Variants in ABCA5 observed in about 807,000 individuals in gnomAD.
ABCA5 encodes ATP binding cassette subfamily A member 5, also known as cholesterol transporter ABCA5.
Under a neutral mutation model 206.0 loss-of-function variants are expected in ABCA5, and 163 were observed. The ratio of observed to expected loss-of-function variants is 0.79; its 90% CI spans 0.70 to 0.90. The LOEUF (loss-of-function observed/expected upper bound fraction) is 0.90. Ranked by LOEUF, ABCA5 falls within the 40% of genes least tolerant of loss-of-function variation. ABCA5 has a pLI of 0.00. For synonymous variants in ABCA5, 609 were observed against 613.8 expected, an observed-to-expected ratio of 0.99 and a Z score of 0.11; for missense variants, 1,859 against 1,912.9, an observed-to-expected ratio of 0.97 and a Z score of 0.53.
At position 69,255,418 on chromosome 17, in the gene ABCA5, C is replaced by T. The variant is rs1039065478; in HGVS notation, c.4068+125G>A. On this transcript the variant is annotated intron_variant, in intron 31 of 38. Transcript: ENST00000392676. ...CCCAAAAGATCATAATTTGATCAGG[C>T]TGTACAAAAAATTCTAAAAATATAC... The T allele has an allele frequency of 7.7e-5, 43 of 555,940 alleles. No individual in the cohort carries two copies. In the East Asian group the frequency reaches 1.3e-3, roughly 17 times the overall value. The allele number at this position is 555,940 out of a possible 1,614,324, so 34.4% of individuals were successfully genotyped here. A position where few individuals can be genotyped will look rare whatever the true frequency, so the allele number is the denominator to read the frequency against.
chr17:69,259,298 A>G (rs2144908368), intron 28 of ABCA5, among the ~76,000 whole-genome samples: 1 of 152,216 alleles, frequency 6.6e-6, no homozygotes, highest in East Asian at 1.9e-4. Flanking sequence ...TACTAATTAT[A>G]GTGCCCAAAT....
At chr17:69,285,099 T>C (rs1365038403) in intron 17 of ABCA5, among the ~76,000 whole-genome samples, 2 of 152,168 alleles carry the variant, frequency 1.3e-5, no homozygotes, top group African/African-American at 4.8e-5. Flanking sequence ...ATTTGTAAAA[T>C]GAAAGCAATA....
rs1295410531 is a variant in ABCA5 at position 69,289,974 on chromosome 17, A to G, written c.1670T>C (p.Met557Thr). 1.2e-6 allele frequency: 2 copies of G among 1,612,296 alleles called. No homozygotes were observed. Among genetic ancestry groups the G allele is most frequent in the South Asian group, 1.1e-5 (1 of 90,914 alleles). Residue 557 changes from methionine (M) to threonine (T), a missense_variant, in exon 13 of 39, where the codon ATG (methionine) becomes ACG (threonine). Physicochemically the swap from Met to Thr is moderately conservative, Grantham distance 81. Coordinates refer to ENST00000392676, the MANE Select transcript of ABCA5 (RefSeq NM_172232.4). ...ATCTAACTGTGGACAAATGCCAATC[A>G]TTTTTCTTGCTTCAAACATTTCATC... Reference protein sequence around the residue: ...EIDEMFEARKMIGICPQLDIH... With the variant: ...EIDEMFEARKTIGICPQLDIH...
At chr17:69,321,387 T>C (rs1166734767) in intron 1 of ABCA5, among the ~76,000 whole-genome samples, 1 of 152,188 alleles carries the variant, frequency 6.6e-6, no homozygotes, top group African/African-American at 2.4e-5. Flanking sequence ...GGGACATCTA[T>C]GAAGGGTTTG....
chr17:69,283,997 T>C lies in ABCA5; in HGVS notation c.2348A>G (p.Asp783Gly), dbSNP rs1322502959. The change falls in exon 18 of 39, where the codon GAC becomes GGC. Residue 783 changes from aspartate (D) to glycine (G), a missense_variant. Coordinates refer to ENST00000392676, the MANE Select transcript of ABCA5 (RefSeq NM_172232.4). ...TTCAACTTCTAGCTTTAAAAATACG[T>C]CTTCCAAAGTCGTCATGGAAACACC... ...SYGVSMTTLE[D>G]VFLKLEVEAE... 2 of 1,607,810 alleles carry C rather than the reference T, an allele frequency of 1.2e-6. No individual in the cohort carries two copies. Among genetic ancestry groups the C allele is most frequent in the Non-Finnish European group, 1.7e-6 (2 of 1,177,326 alleles).
At chr17:69,270,503 A>C (rs2075260289) in intron 22 of ABCA5, 110 bp downstream of exon 22, 1 of 1,030,824 alleles carries the variant, frequency 9.7e-7, no homozygotes, top group Admixed American at 2.7e-5. Flanking sequence ...GAAGTCTAAG[A>C]GATCTCACAA....
At position 69,246,351 on chromosome 17, in the gene ABCA5, A is replaced by T. The variant is rs2074950614; in HGVS notation, c.*1186T>A. 1 of 151,996 alleles carries T rather than the reference A, an allele frequency of 6.6e-6. No individual in the cohort carries two copies. Among genetic ancestry groups the T allele is most frequent in the African/African-American group, 2.4e-5 (1 of 41,456 alleles). 9.4% of individuals were successfully genotyped at this position (151,996 alleles called of 1,614,324 possible). Reference sequence around the variant, plus strand: ...TAATACTTTCATTTGGTTGAAATGTAATGTCAACTAGCATTATTTACACTA... The same window carrying T: ...TAATACTTTCATTTGGTTGAAATGTTATGTCAACTAGCATTATTTACACTA... On this transcript the variant is annotated 3_prime_UTR_variant, in exon 39 of 39. Transcript: ENST00000392676.
chr17:69,293,530 A>G lies in ABCA5; in HGVS notation c.1495+1125T>C, dbSNP rs547837755. Reference sequence around the variant, plus strand: ...GTTGCTGTAGATGTCATTAACTTTTATAATCATCTGAGTTAAACTTGATTA... The same window carrying G: ...GTTGCTGTAGATGTCATTAACTTTTGTAATCATCTGAGTTAAACTTGATTA... On this transcript the variant is annotated intron_variant, in intron 11 of 38. Transcript: ENST00000392676. 2.2e-3 allele frequency among the ~76,000 whole-genome samples: 335 copies of G among 152,230 alleles called. 3 individuals carry two copies. The highest frequency in any genetic ancestry group is 7.8e-3 in the African/African-American group (324 of 41,540).
rs372351592 is a variant in ABCA5 at position 69,277,665 on chromosome 17, C to T, written c.2570G>A (p.Arg857His). Reference protein sequence around the residue: ...IAKFHFFTLKRESKSVRSVLL... With the variant: ...IAKFHFFTLKHESKSVRSVLL... ...CACTGATCTCACTGATTTACTTTCA[C>T]GTTTCAAGGTAAAGAAATGAAACTT... is the stretch of plus-strand genomic sequence containing the variant. The change falls in exon 19 of 39, where the codon CGT (arginine) becomes CAT (histidine). Residue 857 changes from arginine (R) to histidine (H), a missense_variant. By Grantham distance (29) the Arg-to-His change is conservative. Coordinates refer to ENST00000392676, the MANE Select transcript of ABCA5 (RefSeq NM_172232.4). 61 of 1,610,372 alleles carry T rather than the reference C, an allele frequency of 3.8e-5. No individual in the cohort carries two copies. Among genetic ancestry groups the T allele is most frequent in the African/African-American group, 5.4e-5 (4 of 74,760 alleles).
At chr17:69,316,078 T>C (rs2075813424) in intron 1 of ABCA5, among the ~76,000 whole-genome samples, 1 of 152,110 alleles carries the variant, frequency 6.6e-6, no homozygotes, top group Non-Finnish European at 1.5e-5. Context: ...ATGGAGTGGC[T>C]CAAAATCAGA....
intron 24 of ABCA5, among the ~76,000 whole-genome samples, 179 bp downstream of exon 24, chr17:69,264,556 T>C (rs2075186942): frequency 6.6e-6 from 1 of 152,206 alleles, no homozygotes; most frequent in African/African-American, 2.4e-5. Flanking sequence ...TAAGTTATTG[T>C]TTTTAAAAGT....
intron 19 of ABCA5, among the ~76,000 whole-genome samples, chr17:69,276,078 T>C (rs986682072): frequency 7.2e-6 from 1 of 138,084 alleles, no homozygotes; most frequent in African/African-American, 2.7e-5. Flanking sequence ...GTATTTTAAT[T>C]TTCTTTTTTT....
chr17:69,303,805 T>C lies in ABCA5; in HGVS notation c.930+864A>G, dbSNP rs1963345. Among the ~76,000 whole-genome samples, 9 of 4,700 alleles carry C rather than the reference T, an allele frequency of 1.9e-3. 2 individuals are homozygous for C. The highest frequency in any genetic ancestry group is 0.022 in the Admixed American group (2 of 90). 3.1% of individuals were successfully genotyped at this position (4,700 alleles called of 152,430 possible). On this transcript the variant is annotated intron_variant, in intron 7 of 38. Transcript: ENST00000392676. ...AAAAAAATATATATATATATATATA[T>C]ATACATACATATATATATATGTATA...
At chr17:69,259,911 AAAG>A in intron 27 of ABCA5, 114 bp from the exon 28 acceptor site, 1 of 500,562 alleles carries the variant, frequency 2.0e-6, no homozygotes, top group Non-Finnish European at 3.5e-6. Context: ...GCCATTACCA[AAAG>A]AAGTAATCAC....
Position 69,291,199 on chromosome 17 carries a change from TAAGA to T in ABCA5, c.1606+13_1606+16del. 1 of 1,528,302 alleles carries T rather than the reference TAAGA, an allele frequency of 6.5e-7. No homozygotes were observed. Among genetic ancestry groups the T allele is most frequent in the African/African-American group, 1.4e-5 (1 of 71,934 alleles). The allele number at this position is 1,528,302 out of a possible 1,614,324, so 94.7% of individuals were successfully genotyped here. ...ATATATAATGAAGTTTTTTTTTCTT[TAAGA>T]CAGAAAACTCACCATCAGAAGGTGG... On this transcript the variant is annotated intron_variant, in intron 12 of 38. Transcript: ENST00000392676.
chr17:69,271,363 C>A, intron 20 of ABCA5, 74 bp from the exon 21 acceptor site: 1 of 1,408,432 alleles, frequency 7.1e-7, no homozygotes, highest in Non-Finnish European at 9.6e-7. Context: ...GAAGATAATT[C>A]TATTTTTAGA....
intron 28 of ABCA5, 70 bp from the exon 29 acceptor site, chr17:69,256,353 C>G: frequency 9.6e-7 from 1 of 1,042,878 alleles, no homozygotes; most frequent in Non-Finnish European, 1.3e-6. Flanking sequence ...AATTCAGATA[C>G]TAGGTAGAGA....
rs367738560 is a variant in ABCA5 at position 69,285,884 on chromosome 17, A to T, written c.2272+14T>A. ...TCCCAGTTCAAACACCAAGAGACTTAAAGTAAGTAATACCTGAAAATTTGT... is the reference window on the plus strand; with the variant it reads ...TCCCAGTTCAAACACCAAGAGACTTTAAGTAAGTAATACCTGAAAATTTGT... On this transcript the variant is annotated intron_variant, in intron 17 of 38. Coordinates refer to ENST00000392676, the MANE Select transcript of ABCA5 (RefSeq NM_172232.4). 8.0e-5 allele frequency: 129 copies of T among 1,606,294 alleles called. No homozygotes were observed. Among genetic ancestry groups the T allele is most frequent in the Non-Finnish European group, 1.0e-4 (123 of 1,176,942 alleles).
rs1306938179 is a variant in ABCA5, at chr17:69,302,890, A to T, written c.947T>A (p.Met316Lys). The T allele has an allele frequency of 1.4e-5, 21 of 1,527,292 alleles. No homozygotes were observed. Among genetic ancestry groups the T allele is most frequent in the Non-Finnish European group, 1.8e-5 (21 of 1,138,212 alleles). The allele number at this position is 1,527,292 out of a possible 1,614,324, so 94.6% of individuals were successfully genotyped here. A position where few individuals can be genotyped will look rare whatever the true frequency, so the allele number is the denominator to read the frequency against. The change falls in exon 8 of 39, where the codon ATG (methionine) becomes AAG (lysine). Residue 316 changes from methionine (M) to lysine (K), a missense_variant. Physicochemically the swap from Met to Lys is moderately conservative, Grantham distance 95 (BLOSUM62 -1). Transcript: ENST00000392676. ...YGLSSVFFAL[M>K]LTPLFKKSKH... Reference sequence around the variant, plus strand: ...TGATTTTTTAAAAAGAGGTGTCAGCATTAAAGCAAAAAATACCTATAAAAT... The same window carrying T: ...TGATTTTTTAAAAAGAGGTGTCAGCTTTAAAGCAAAAAATACCTATAAAAT...
Sources: gnomAD v4.1 joint callset for allele counts (sites outside exome capture counted in the v4.1 genomes callset) on GRCh38, gnomAD v4.1.1 for gene constraint, MANE v1.5 for transcripts, NCBI Gene and HGNC (gene_info 2026-07-23, HGNC 2026-07-21) for gene names.